Variants in CFAP47 observed in about 807,000 individuals in gnomAD.
CFAP47 encodes cilia- and flagella-associated protein 47.
CFAP47 carries 29 observed loss-of-function variants against 148.1 expected under a neutral mutation model. That is an observed-to-expected ratio of 0.20 (90% CI 0.15 to 0.27). CFAP47 has a LOEUF of 0.27. Among genes scored for constraint, CFAP47 ranks in the 10% least tolerant of loss-of-function variants. The pLI, the probability that CFAP47 is intolerant of heterozygous loss-of-function variation, is 1.00. For synonymous variants in CFAP47, 664 were observed against 577.3 expected, an observed-to-expected ratio of 1.15 and a Z score of -2.15; for missense variants, 1,872 against 1,697.5, an observed-to-expected ratio of 1.10 and a Z score of -1.81.
intron 30 of CFAP47, among the ~76,000 whole-genome samples, chrX:36,098,142 C>G (rs1466522995): frequency 8.9e-6 from 1 of 112,007 alleles, no homozygotes; most frequent in African/African-American, 3.2e-5. Context: ...CTCCAGAATT[C>G]CTACTTGATT....
At chrX:36,145,743 A>C (rs890872627) in intron 36 of CFAP47, among the ~76,000 whole-genome samples, 2 of 110,867 alleles carry the variant, frequency 1.8e-5, no homozygotes, top group African/African-American at 6.5e-5. Flanking sequence ...TTTGATGCAA[A>C]ACTCATCCAT....
chrX:36,235,274 G>T (rs1443912689), intron 46 of CFAP47, among the ~76,000 whole-genome samples: 2 of 112,210 alleles, frequency 1.8e-5, no homozygotes, highest in Non-Finnish European at 3.8e-5. Flanking sequence ...GCTCCACCCA[G>T]TTCAAGCTTC....
intron 22 of CFAP47, among the ~76,000 whole-genome samples, chrX:36,015,380 T>A (rs985983726): frequency 3.6e-5 from 4 of 111,383 alleles, no homozygotes; most frequent in African/African-American, 1.3e-4. Context: ...CTACTCATTT[T>A]CTTCAAATAT....
At chrX:36,014,116 A>G (rs983224058) in intron 21 of CFAP47, among the ~76,000 whole-genome samples, 3 of 112,034 alleles carry the variant, frequency 2.7e-5, no homozygotes, top group African/African-American at 6.5e-5. Flanking sequence ...AGCAGTTGTG[A>G]TAGGTGTGAA....
At chrX:36,146,964 G>A (rs907797312) in intron 36 of CFAP47, among the ~76,000 whole-genome samples, 4 of 110,140 alleles carry the variant, frequency 3.6e-5, no homozygotes, top group African/African-American at 1.3e-4. Context: ...TGTATTTTTA[G>A]TAGAGACGGA....
chrX:35,966,080 T>C (rs921688909), intron 8 of CFAP47, among the ~76,000 whole-genome samples: 1 of 108,885 alleles, frequency 9.2e-6, no homozygotes, highest in Non-Finnish European at 1.9e-5. Flanking sequence ...TGGAAGTCCT[T>C]AATCCACCAT....
Position 36,104,652 on chromosome X carries a change from G to A in CFAP47, c.5281G>A (p.Glu1761Lys). Residue 1761 changes from glutamate to lysine, a missense_variant, in exon 33 of 64, where the codon GAG (glutamate) becomes AAG (lysine). Physicochemically the swap from Glu to Lys is moderately conservative, Grantham distance 56. Transcript: ENST00000378653. ...GCTTAGTTGGATGAACATAAATTAT[G>A]AGAATACTCGACATGTGATATGGAA... ...ILLSWMNINY[E>K]NTRHVIWKNC... is the part of the protein sequence containing the mutation. 1.1e-6 allele frequency: 1 copy of A among 920,510 alleles called. No homozygotes were observed. The highest frequency in any genetic ancestry group is 1.5e-6 in the Non-Finnish European group (1 of 646,335). The allele number at this position is 920,510 out of a possible 1,213,427, so 75.9% of individuals were successfully genotyped here.
chrX:36,378,445 A>G (rs1942044113), intron 62 of CFAP47, among the ~76,000 whole-genome samples: 1 of 112,549 alleles, frequency 8.9e-6, no homozygotes. Flanking sequence ...CTGGTCAGTC[A>G]TTTTATGTAT....
intron 49 of CFAP47, among the ~76,000 whole-genome samples, chrX:36,265,342 T>C (rs939559572): frequency 6.3e-5 from 7 of 111,915 alleles, no homozygotes; most frequent in South Asian, 3.7e-4. Flanking sequence ...TAGAATCATA[T>C]TGTCTGTGAA....
At chrX:36,166,948 C>T (rs1939498251) in intron 39 of CFAP47, among the ~76,000 whole-genome samples, 1 of 111,557 alleles carries the variant, frequency 9.0e-6, no homozygotes, top group Non-Finnish European at 1.9e-5. Context: ...CTGACCACAC[C>T]CTTCTGTTAA....
chrX:35,963,278 G>A (rs921263564), intron 8 of CFAP47, among the ~76,000 whole-genome samples: 15 of 109,243 alleles, frequency 1.4e-4, no homozygotes, highest in African/African-American at 5.0e-4. Context: ...TTAATAAAAG[G>A]GTATAAATAT....
chrX:36,249,302 A>G (rs1555997731), intron 48 of CFAP47, among the ~76,000 whole-genome samples: 1 of 111,290 alleles, frequency 9.0e-6, no homozygotes, highest in Non-Finnish European at 1.9e-5. Context: ...AGAAAAAGAG[A>G]GAATACTCAA....
intron 21 of CFAP47, among the ~76,000 whole-genome samples, chrX:36,008,626 C>T (rs73468952): frequency 0.018 from 1,974 of 108,841 alleles, 49 homozygotes; most frequent in African/African-American, 0.062. Flanking sequence ...AAAAAATAGC[C>T]GGGCATGGTG....
intron 33 of CFAP47, among the ~76,000 whole-genome samples, chrX:36,105,920 T>C (rs1267264191): frequency 8.9e-6 from 1 of 112,508 alleles, no homozygotes; most frequent in Non-Finnish European, 1.9e-5. Context: ...TTTTCCCAAA[T>C]AATATATTAT....
At chrX:36,369,418 C>T (rs1941909275) in intron 62 of CFAP47, among the ~76,000 whole-genome samples, 1 of 109,993 alleles carries the variant, frequency 9.1e-6, no homozygotes, top group East Asian at 2.8e-4. Flanking sequence ...ATTATATATA[C>T]CCTTTATAAT....
intron 26 of CFAP47, among the ~76,000 whole-genome samples, chrX:36,052,362 G>A (rs952760156): frequency 9.0e-6 from 1 of 111,646 alleles, no homozygotes; most frequent in African/African-American, 3.3e-5. Flanking sequence ...TTGAGGAACT[G>A]GATTATATAT....
chrX:35,994,117 C>T, intron 18 of CFAP47, among the ~76,000 whole-genome samples: 2 of 110,140 alleles, frequency 1.8e-5, no homozygotes, highest in Non-Finnish European at 3.8e-5. Context: ...AAAAAATTAG[C>T]CGGGCATGGT....
At chrX:36,091,337 TACAC>T (rs1481745513) in intron 30 of CFAP47, among the ~76,000 whole-genome samples, 2 of 111,266 alleles carry the variant, frequency 1.8e-5, no homozygotes, top group East Asian at 5.7e-4. Flanking sequence ...AGTGACCACT[TACAC>T]ACTGAAATTC....
chrX:36,336,438 A>G (rs1556014874), intron 57 of CFAP47, among the ~76,000 whole-genome samples: 1 of 111,014 alleles, frequency 9.0e-6, no homozygotes, highest in East Asian at 2.8e-4. Context: ...ATTGTGTCTC[A>G]CCTGACACAT....
Sources: allele counts gnomAD v4.1 joint callset (sites outside exome capture counted in the v4.1 genomes callset), GRCh38; gene constraint gnomAD v4.1.1; transcripts MANE v1.5; gene names NCBI Gene and HGNC (gene_info 2026-07-23, HGNC 2026-07-21).